Variants in CNTNAP4 observed in about 807,000 individuals in gnomAD.
The protein encoded by CNTNAP4 is contactin-associated protein-like 4.
Under a neutral mutation model 148.4 loss-of-function variants are expected in CNTNAP4, and 98 were observed. The ratio of observed to expected loss-of-function variants is 0.66; its 90% CI spans 0.56 to 0.78. CNTNAP4 has a LOEUF of 0.78. Ranked by LOEUF, CNTNAP4 falls within the 30% of genes least tolerant of loss-of-function variation. The pLI, the probability that CNTNAP4 is intolerant of heterozygous loss-of-function variation, is 0.00. For missense variants in CNTNAP4, 1,935 were observed against 1,565.6 expected, an observed-to-expected ratio of 1.24 and a Z score of -3.98; for synonymous variants, 730 against 565.1, an observed-to-expected ratio of 1.29 and a Z score of -4.14.
At chr16:76,453,293 G>T (rs1364177527) in intron 8 of CNTNAP4, among the ~76,000 whole-genome samples, 5 of 152,154 alleles carry the variant, frequency 3.3e-5, no homozygotes, top group Non-Finnish European at 7.4e-5. Flanking sequence ...GGGATGCAAA[G>T]ATTTATGCAA....
At chr16:76,310,067 T>C (rs1289320638) in intron 1 of CNTNAP4, among the ~76,000 whole-genome samples, 1 of 151,828 alleles carries the variant, frequency 6.6e-6, no homozygotes, top group East Asian at 1.9e-4. Flanking sequence ...CTGGCTCCTG[T>C]AGATAGTAGT....
At chr16:76,300,307 C>G (rs1183300040) in intron 1 of CNTNAP4, among the ~76,000 whole-genome samples, 9 of 151,984 alleles carry the variant, frequency 5.9e-5, no homozygotes, top group Non-Finnish European at 2.9e-5. Context: ...ACAATGTCCT[C>G]AAATACTTGC....
chr16:76,411,194 A>G (rs2078779782), intron 3 of CNTNAP4, among the ~76,000 whole-genome samples: 2 of 151,508 alleles, frequency 1.3e-5, no homozygotes, highest in Non-Finnish European at 3.0e-5. Context: ...AATTAAATAT[A>G]ATAAACTGGA....
intron 2 of CNTNAP4, among the ~76,000 whole-genome samples, chr16:76,316,788 A>G (rs1021310983): frequency 6.6e-6 from 1 of 152,196 alleles, no homozygotes; most frequent in Non-Finnish European, 1.5e-5. Flanking sequence ...AATAATATAC[A>G]ATCCTTATGG....
intron 3 of CNTNAP4, among the ~76,000 whole-genome samples, chr16:76,383,976 T>G (rs1315314295): frequency 6.6e-6 from 1 of 152,198 alleles, no homozygotes; most frequent in African/African-American, 2.4e-5. Flanking sequence ...CCTCTTTAAA[T>G]TTTTAGTAAA....
At chr16:76,280,307 T>G (rs1014102885) in intron 1 of CNTNAP4, among the ~76,000 whole-genome samples, 6 of 152,106 alleles carry the variant, frequency 3.9e-5, no homozygotes, top group Non-Finnish European at 8.8e-5. Context: ...TGTTAATTGA[T>G]CCAATTAAAC....
intron 2 of CNTNAP4, among the ~76,000 whole-genome samples, chr16:76,318,152 C>T (rs17562570): frequency 0.27 from 40,776 of 152,054 alleles, 6,136 homozygotes; most frequent in Non-Finnish European, 0.35. Flanking sequence ...CAATGCTAAT[C>T]CTAGAATAAG....
chr16:76,545,775 C>T (rs1047140303), intron 21 of CNTNAP4, among the ~76,000 whole-genome samples: 2 of 152,186 alleles, frequency 1.3e-5, no homozygotes, highest in Admixed American at 6.5e-5. Context: ...CAGTGGCTCA[C>T]GCCTGTAATC....
intron 18 of CNTNAP4, among the ~76,000 whole-genome samples, chr16:76,537,702 C>T (rs1171248360): frequency 6.6e-6 from 1 of 152,060 alleles, no homozygotes; most frequent in African/African-American, 2.4e-5. Flanking sequence ...TCTCAAACAT[C>T]CTTCCTTCCT....
intron 17 of CNTNAP4, among the ~76,000 whole-genome samples, chr16:76,531,355 T>C (rs2083977258): frequency 6.6e-6 from 1 of 151,994 alleles, no homozygotes; most frequent in African/African-American, 2.4e-5. Flanking sequence ...ATAATAAACA[T>C]GAGGAAAGGG....
intron 3 of CNTNAP4, among the ~76,000 whole-genome samples, chr16:76,425,068 C>T (rs182424084): frequency 6.6e-6 from 1 of 152,164 alleles, no homozygotes; most frequent in Admixed American, 6.5e-5. Flanking sequence ...AAATTTTGAC[C>T]AGTGGAACAG....
At position 76,479,523 on chromosome 16, in the gene CNTNAP4, T is replaced by C. The variant is rs1368116324; in HGVS notation, c.1867T>C (p.Tyr623His). The C allele has an allele frequency of 6.2e-6, 10 of 1,608,690 alleles. No homozygotes were observed. The highest frequency in any genetic ancestry group is 1.7e-5 in the Admixed American group (1 of 59,036). The change falls in exon 12 of 24, where the codon TAT (tyrosine) becomes CAT (histidine). Residue 623 changes from tyrosine (Y) to histidine (H), a missense_variant. Transcript: ENST00000611870. ...GSGPLEPFLL[Y>H]CNMTETAWTI... ...TGGTCCCCTGGAACCATTTCTTCTA[T>C]ATTGCAATATGACCGGTGAGTTAAT...
intron 4 of CNTNAP4, among the ~76,000 whole-genome samples, chr16:76,429,373 T>A (rs1039996736): frequency 5.8e-4 from 89 of 152,150 alleles, no homozygotes; most frequent in African/African-American, 2.1e-3. Flanking sequence ...AACATCCACC[T>A]TGCAAAATAC....
chr16:76,351,834 C>G (rs558028202), intron 2 of CNTNAP4, among the ~76,000 whole-genome samples: 4 of 152,192 alleles, frequency 2.6e-5, no homozygotes, highest in African/African-American at 9.6e-5. Flanking sequence ...CCGATTTTAA[C>G]TCACTAGAAT....
At chr16:76,553,746 C>G (rs1291766787) in intron 22 of CNTNAP4, 90 bp from the exon 23 acceptor site, 15 of 813,924 alleles carry the variant, frequency 1.8e-5, no homozygotes, top group Non-Finnish European at 3.0e-5. Flanking sequence ...CTCCATAATT[C>G]TCTGTGGTTT....
At chr16:76,438,246 A>G (rs12918983) in intron 4 of CNTNAP4, among the ~76,000 whole-genome samples, 51,752 of 151,992 alleles carry the variant, frequency 0.34, 10,809 homozygotes, top group Non-Finnish European at 0.44. Context: ...TCCTTGGCCA[A>G]TTCTTGTAAC....
chr16:76,323,458 C>G (rs904305580), intron 2 of CNTNAP4, among the ~76,000 whole-genome samples: 1 of 151,956 alleles, frequency 6.6e-6, no homozygotes, highest in Non-Finnish European at 1.5e-5. Flanking sequence ...TGTATACCAG[C>G]CTTGAGAAGG....
chr16:76,443,793 GA>G (rs1241628504), intron 4 of CNTNAP4, among the ~76,000 whole-genome samples: 3 of 152,060 alleles, frequency 2.0e-5, no homozygotes, highest in African/African-American at 4.8e-5. Flanking sequence ...GAATCACCCT[GA>G]AATTTTTTAT....
chr16:76,464,560 T>A (rs2081109010), intron 9 of CNTNAP4, among the ~76,000 whole-genome samples: 1 of 152,206 alleles, frequency 6.6e-6, no homozygotes, highest in Admixed American at 6.5e-5. Flanking sequence ...TCAGCCAGTT[T>A]ATGTTCAAGT....
Sources: gnomAD v4.1 joint callset for allele counts (sites outside exome capture counted in the v4.1 genomes callset) on GRCh38, gnomAD v4.1.1 for gene constraint, MANE v1.5 for transcripts, NCBI Gene and HGNC (gene_info 2026-07-23, HGNC 2026-07-21) for gene names.